The following CDH2 variants were observed in gnomAD, a reference collection of about 807,000 sequenced individuals.
CDH2 encodes the protein cadherin-2.
A neutral mutation model predicts 92.0 loss-of-function variants in CDH2; 17 were observed. That is an observed-to-expected ratio of 0.18 (90% CI 0.13 to 0.28). The LOEUF is 0.28. Among genes scored for constraint, CDH2 ranks in the 10% least tolerant of loss-of-function variants. The probability of loss-of-function intolerance (pLI) is 1.00; values close to 1 mark genes in which losing one functional copy is unlikely to be tolerated. For synonymous variants in CDH2, 419 were observed against 415.9 expected, an observed-to-expected ratio of 1.01 and a Z score of -0.09; for missense variants, 862 against 1,133.1, an observed-to-expected ratio of 0.76 and a Z score of 3.44.
chr18:28,058,335 C>CAG (rs944575245), intron 2 of CDH2, among the ~76,000 whole-genome samples: 5 of 152,240 alleles, frequency 3.3e-5, no homozygotes, highest in East Asian at 1.9e-4. Context: ...CAGAGAGAGA[C>CAG]AGAGAGAGAG....
chr18:27,941,368 T>C (rs1179194270), intron 6 of CDH2, among the ~76,000 whole-genome samples: 2 of 152,146 alleles, frequency 1.3e-5, no homozygotes, highest in Non-Finnish European at 2.9e-5. Flanking sequence ...ATATGCCATT[T>C]TTCCAAGTTA....
intron 1 of CDH2, among the ~76,000 whole-genome samples, chr18:28,161,583 A>T (rs1165441988): frequency 6.6e-6 from 1 of 150,484 alleles, no homozygotes; most frequent in Non-Finnish European, 1.5e-5. Flanking sequence ...CTGTCTCGAA[A>T]AAAAAAAAAA....
chr18:27,978,814 G>A (rs1034529147), intron 14 of CDH2, among the ~76,000 whole-genome samples: 1 of 151,724 alleles, frequency 6.6e-6, no homozygotes, highest in Non-Finnish European at 1.5e-5. Context: ...TACCATGCCT[G>A]GTTAATTAAC....
At chr18:28,043,252 G>A (rs1376916199) in intron 2 of CDH2, among the ~76,000 whole-genome samples, 1 of 151,588 alleles carries the variant, frequency 6.6e-6, no homozygotes, top group Non-Finnish European at 1.5e-5. Flanking sequence ...AAGCTATGAG[G>A]ATACAAAGGC....
intron 2 of CDH2, among the ~76,000 whole-genome samples, chr18:28,067,656 CAATTG>C (rs1567985616): frequency 1.3e-5 from 2 of 151,996 alleles, no homozygotes; most frequent in Non-Finnish European, 2.9e-5. Flanking sequence ...GGGTTGTTTC[CAATTG>C]ATTCATTTTT....
chr18:27,987,652 C>T (rs762442735), intron 11 of CDH2, among the ~76,000 whole-genome samples: 18 of 152,028 alleles, frequency 1.2e-4, no homozygotes, highest in South Asian at 2.1e-4. Context: ...ACTATTAATA[C>T]GCAATAGGAA....
chr18:27,975,967 T>C (rs1426351687), intron 14 of CDH2, among the ~76,000 whole-genome samples: 1 of 152,194 alleles, frequency 6.6e-6, no homozygotes, highest in Non-Finnish European at 1.5e-5. Context: ...GACATCCAGC[T>C]GCTTCTCTCT....
At chr18:27,968,915 G>A (rs1448363223) in intron 14 of CDH2, among the ~76,000 whole-genome samples, 1 of 152,112 alleles carries the variant, frequency 6.6e-6, no homozygotes, top group Non-Finnish European at 1.5e-5. Flanking sequence ...AGGTGGGAGA[G>A]AAGAACACTA....
chr18:28,108,396 C>T (rs1434453709), intron 2 of CDH2, among the ~76,000 whole-genome samples: 1 of 152,092 alleles, frequency 6.6e-6, no homozygotes, highest in African/African-American at 2.4e-5. Context: ...TGCTGAAGGA[C>T]AAACTACAAA....
intron 2 of CDH2, among the ~76,000 whole-genome samples, chr18:28,054,544 T>C (rs781109263): frequency 3.9e-5 from 6 of 152,190 alleles, no homozygotes; most frequent in Admixed American, 1.3e-4. Context: ...AAAACCATGA[T>C]GTTCCAAACT....
At chr18:28,170,598 G>A (rs1464659560) in intron 1 of CDH2, among the ~76,000 whole-genome samples, 1 of 152,190 alleles carries the variant, frequency 6.6e-6, no homozygotes, top group Middle Eastern at 3.4e-3. Flanking sequence ...ACCTGCCTTG[G>A]CCTCCCAAAG....
chr18:27,997,738 T>C (rs945427308), intron 7 of CDH2, among the ~76,000 whole-genome samples: 4 of 152,094 alleles, frequency 2.6e-5, no homozygotes, highest in African/African-American at 7.2e-5. Context: ...ATAAATTGGG[T>C]TGGGGACAGA....
intron 14 of CDH2, among the ~76,000 whole-genome samples, chr18:27,981,781 T>C (rs1456045514): frequency 2.6e-5 from 4 of 152,242 alleles, no homozygotes; most frequent in Admixed American, 6.5e-5. Flanking sequence ...AATATCTGCA[T>C]ATATACTTAA....
At chr18:27,944,754 T>TAAAA (rs869217652) in intron 6 of CDH2, among the ~76,000 whole-genome samples, 1 of 83,554 alleles carries the variant, frequency 1.2e-5, no homozygotes, top group Non-Finnish European at 2.2e-5. Flanking sequence ...ACTTCCTTTC[T>TAAAA]AAAAAAAAAA....
At chr18:28,059,745 T>C (rs1363498906) in intron 2 of CDH2, among the ~76,000 whole-genome samples, 1 of 152,248 alleles carries the variant, frequency 6.6e-6, no homozygotes, top group Non-Finnish European at 1.5e-5. Flanking sequence ...AGCATATTTA[T>C]GTATGTTTCA....
In CDH2 at chr18:27,951,546, T is replaced by C. The variant is rs1909448554; in HGVS notation, c.*607A>G. 6.6e-6 allele frequency: 1 copy of C among 152,440 alleles called. No homozygotes were observed. The highest frequency in any genetic ancestry group is 1.5e-5 in the Non-Finnish European group (1 of 68,126). 9.4% of individuals were successfully genotyped at this position (152,440 alleles called of 1,614,324 possible). On this transcript the variant is annotated 3_prime_UTR_variant, in exon 16 of 16. Transcript: ENST00000269141. ...TCTAACATTCTAGTTTATGAAAAAA[T>C]TCAATTTTGCTACAAATTGGTGATA...
intron 13 of CDH2, among the ~76,000 whole-genome samples, chr18:27,984,304 C>G (rs1599009686): frequency 6.6e-6 from 1 of 152,282 alleles, no homozygotes; most frequent in East Asian, 1.9e-4. Flanking sequence ...AACACAGGGC[C>G]CAGGCAATTT....
chr18:27,943,734 C>T (rs779755279), intron 6 of CDH2, among the ~76,000 whole-genome samples: 1 of 152,128 alleles, frequency 6.6e-6, no homozygotes, highest in Non-Finnish European at 1.5e-5. Context: ...TAGGGGTTTA[C>T]ACAAGACTGG....
intron 2 of CDH2, among the ~76,000 whole-genome samples, chr18:28,138,039 G>A (rs2015893326): frequency 6.6e-6 from 1 of 151,426 alleles, no homozygotes; most frequent in African/African-American, 2.4e-5. Flanking sequence ...TGTGTGTCTG[G>A]ATGTGTGTGT....
Sources: gnomAD v4.1 joint callset for allele counts (sites outside exome capture counted in the v4.1 genomes callset) on GRCh38, gnomAD v4.1.1 for gene constraint, MANE v1.5 for transcripts, NCBI Gene and HGNC (gene_info 2026-07-23, HGNC 2026-07-21) for gene names.